CPED1: variants seen among roughly 807,000 people sequenced by gnomAD.
The protein encoded by CPED1 is cadherin like and PC-esterase domain containing 1.
CPED1 carries 114 observed loss-of-function variants against 128.2 expected under a neutral mutation model. The observed-to-expected ratio is 0.89, with a 90% CI of 0.76 to 1.04. The LOEUF (loss-of-function observed/expected upper bound fraction) is 1.04, where lower values mean the gene tolerates loss of function less well. Ranked by LOEUF, CPED1 falls within the 50% of genes least tolerant of loss-of-function variation. The probability of loss-of-function intolerance (pLI) is 0.00; values close to 1 mark genes in which losing one functional copy is unlikely to be tolerated. For missense variants in CPED1, 1,211 were observed against 1,207.1 expected, an observed-to-expected ratio of 1.00 and a Z score of -0.05; for synonymous variants, 462 against 426.7, an observed-to-expected ratio of 1.08 and a Z score of -1.02.
At chr7:121,250,972 C>T (rs1213613107) in intron 18 of CPED1, among the ~76,000 whole-genome samples, 1 of 152,122 alleles carries the variant, frequency 6.6e-6, no homozygotes, top group Non-Finnish European at 1.5e-5. Flanking sequence ...TTTTATGAGG[C>T]CAGCATCATC....
intron 3 of CPED1, among the ~76,000 whole-genome samples, chr7:121,022,065 A>G (rs527750291): frequency 6.6e-6 from 1 of 152,044 alleles, no homozygotes; most frequent in Non-Finnish European, 1.5e-5. Flanking sequence ...TAAAAAAAAA[A>G]TCTGTAAGCT....
In CPED1 at chr7:121,098,779, TAA is replaced by T. The variant is rs1024786368; in HGVS notation, c.749+952_749+953del. 2.2e-3 allele frequency among the ~76,000 whole-genome samples: 239 copies of T among 110,992 alleles called. 2 individuals are homozygous for T. The East Asian group carries it at 0.032, about 15-fold the overall frequency. The allele number at this position is 110,992 out of a possible 152,430, so 72.8% of individuals were successfully genotyped here. The stretch of plus-strand genomic sequence containing the variant: ...AAAAATATATATAAATATATATATA[TAA>T]AAATATATAAAAATATATATAAATA... On this transcript the variant is annotated intron_variant, in intron 6 of 22. Coordinates refer to ENST00000310396, the MANE Select transcript of CPED1 (RefSeq NM_024913.5).
chr7:120,989,967 C>A, intron 2 of CPED1, 97 bp downstream of exon 2: 1 of 1,439,662 alleles, frequency 6.9e-7, no homozygotes, highest in Admixed American at 1.9e-5. Context: ...TCCATGAGGT[C>A]TGAAAGGGAT....
intron 2 of CPED1, among the ~76,000 whole-genome samples, chr7:120,996,571 C>T (rs1005322477): frequency 6.6e-6 from 1 of 152,072 alleles, no homozygotes; most frequent in Non-Finnish European, 1.5e-5. Context: ...CATGGTGCTC[C>T]TTTTTTAGCT....
At position 121,064,297 on chromosome 7, in the gene CPED1, A is replaced by G. The variant is rs773811222; in HGVS notation, c.600A>G (p.Ile200Met). Residue 200 changes from isoleucine to methionine, a missense_variant, in exon 5 of 23, where the codon ATA (isoleucine) becomes ATG (methionine). Physicochemically the swap from Ile to Met is conservative, Grantham distance 10. Coordinates refer to ENST00000310396, the MANE Select transcript of CPED1 (RefSeq NM_024913.5). The stretch of plus-strand genomic sequence containing the variant: ...GCAGAAAGGAAGGATTATGTCAAAT[A>G]GTTAGAAGATTCCCAGGTAATCTTT... ...PLCRKEGLCQ[I>M]VRRFPELQLP... 6.2e-7 allele frequency: 1 copy of G among 1,611,326 alleles called. No homozygotes were observed. Among genetic ancestry groups the G allele is most frequent in the South Asian group, 1.1e-5 (1 of 90,998 alleles).
At chr7:121,254,768 A>G (rs1401734387) in intron 18 of CPED1, among the ~76,000 whole-genome samples, 39 of 152,076 alleles carry the variant, frequency 2.6e-4, no homozygotes, top group Non-Finnish European at 1.3e-4. Context: ...AGAGAATACT[A>G]TGAATAACTC....
intron 2 of CPED1, chr7:120,993,923 G>C (rs555854911): frequency 6.2e-4 from 187 of 303,832 alleles, no homozygotes; most frequent in East Asian, 2.4e-3. Context: ...GGCTTCTCAG[G>C]GCAGCCACTA....
chr7:121,139,844 A>G (rs1795861791), intron 14 of CPED1, among the ~76,000 whole-genome samples: 1 of 152,042 alleles, frequency 6.6e-6, no homozygotes, highest in African/African-American at 2.4e-5. Flanking sequence ...TTTTGTTGCC[A>G]TGTTGTTAAA....
chr7:121,296,715 C>T lies in CPED1; in HGVS notation c.*1063C>T, dbSNP rs1792830671. On this transcript the variant is annotated 3_prime_UTR_variant, in exon 23 of 23. Transcript: ENST00000310396. ...AACTGTGGCATACATATAATACATA[C>T]CTAATTATAGTAGTGAGAACTATTT... 1 of 151,992 alleles carries T rather than the reference C, an allele frequency of 6.6e-6. No individual in the cohort carries two copies. Among genetic ancestry groups the T allele is most frequent in the Non-Finnish European group, 1.5e-5 (1 of 67,924 alleles). The allele number at this position is 151,992 out of a possible 1,614,324, so 9.4% of individuals were successfully genotyped here.
At chr7:121,250,121 C>T (rs1237817475) in intron 18 of CPED1, among the ~76,000 whole-genome samples, 1 of 152,220 alleles carries the variant, frequency 6.6e-6, no homozygotes, top group Non-Finnish European at 1.5e-5. Context: ...AACAAACTGT[C>T]TCTCAGACCA....
At chr7:121,013,077 G>A (rs1326920115) in intron 2 of CPED1, among the ~76,000 whole-genome samples, 1 of 152,142 alleles carries the variant, frequency 6.6e-6, no homozygotes, top group Non-Finnish European at 1.5e-5. Flanking sequence ...TGGATACAGT[G>A]GGTTTGCTTG....
intron 16 of CPED1, among the ~76,000 whole-genome samples, chr7:121,146,790 C>T (rs1038645807): frequency 6.6e-6 from 1 of 151,950 alleles, no homozygotes; most frequent in African/African-American, 2.4e-5. Flanking sequence ...ATATAATTGT[C>T]CCAGAGACGG....
At chr7:121,126,939 A>G (rs1428048476) in intron 9 of CPED1, 151 bp from the exon 10 acceptor site, 4 of 494,294 alleles carry the variant, frequency 8.1e-6, no homozygotes, top group African/African-American at 2.0e-5. Context: ...AAAATTACTC[A>G]CATTTATAAA....
At chr7:121,253,187 T>A (rs1341500290) in intron 18 of CPED1, among the ~76,000 whole-genome samples, 2 of 151,336 alleles carry the variant, frequency 1.3e-5, no homozygotes, top group African/African-American at 4.9e-5. Flanking sequence ...CTGGAAACCA[T>A]CATTCTCAGC....
chr7:121,016,839 G>A (rs1402355726), intron 3 of CPED1, among the ~76,000 whole-genome samples: 2 of 152,158 alleles, frequency 1.3e-5, no homozygotes, highest in African/African-American at 4.8e-5. Flanking sequence ...AAAAGGGGAG[G>A]AGGAGAAGCA....
intron 4 of CPED1, among the ~76,000 whole-genome samples, chr7:121,062,354 A>AC (rs1289119749): frequency 5.9e-5 from 9 of 152,056 alleles, no homozygotes; most frequent in Admixed American, 2.6e-4. Context: ...GTGAACTTAA[A>AC]AAACAAACAA....
At chr7:121,063,882 C>T (rs115693089) in intron 4 of CPED1, among the ~76,000 whole-genome samples, 4 of 152,112 alleles carry the variant, frequency 2.6e-5, no homozygotes, top group East Asian at 1.9e-4. Flanking sequence ...AATTTTGGAA[C>T]GGGTTTAACA....
chr7:121,071,178 C>A (rs144923215), intron 5 of CPED1, among the ~76,000 whole-genome samples: 3 of 152,258 alleles, frequency 2.0e-5, no homozygotes, highest in African/African-American at 4.8e-5. Context: ...AAGACAGGAG[C>A]AAGTGGTCTC....
chr7:121,256,500 A>G (rs1445092217), intron 18 of CPED1, among the ~76,000 whole-genome samples: 3 of 152,092 alleles, frequency 2.0e-5, no homozygotes, highest in Non-Finnish European at 4.4e-5. Context: ...CAGCAATAAG[A>G]TACCATTTCA....
Sources: allele counts gnomAD v4.1 joint callset (sites outside exome capture counted in the v4.1 genomes callset), GRCh38; gene constraint gnomAD v4.1.1; transcripts MANE v1.5; gene names NCBI Gene and HGNC (gene_info 2026-07-23, HGNC 2026-07-21).